BLK: variants seen among roughly 807,000 people sequenced by gnomAD.
BLK encodes the protein BLK proto-oncogene, Src family tyrosine kinase.
In BLK, 64 loss-of-function variants were observed where a neutral mutation model predicts 61.8. That is an observed-to-expected ratio of 1.03 (90% CI 0.85 to 1.27). BLK has a LOEUF of 1.27. BLK is among the 50% of genes most tolerant of loss of function. The probability of loss-of-function intolerance (pLI) is 0.00; values close to 1 mark genes in which losing one functional copy is unlikely to be tolerated. For synonymous variants in BLK, 351 were observed against 272.0 expected, an observed-to-expected ratio of 1.29 and a Z score of -2.86; for missense variants, 853 against 660.5, an observed-to-expected ratio of 1.29 and a Z score of -3.19.
chr8:11,548,260 G>A (rs1800737913), intron 4 of BLK, 135 bp downstream of exon 4: 2 of 725,386 alleles, frequency 2.8e-6, no homozygotes, highest in East Asian at 5.4e-5. Context: ...CCTGGCCCCA[G>A]CATTTTCTTG....
At chr8:11,520,416 G>C (rs1157148453) in intron 1 of BLK, among the ~76,000 whole-genome samples, 1 of 146,140 alleles carries the variant, frequency 6.8e-6, no homozygotes, top group Non-Finnish European at 1.5e-5. Flanking sequence ...GATTGAGGCT[G>C]CAGTGAGCCG....
Position 11,554,808 on chromosome 8 carries a change from C to G in BLK, c.538C>G (p.Arg180Gly). The change falls in exon 7 of 13, where the codon CGC becomes GGC. Residue 180 changes from arginine (R) to glycine (G), a missense_variant. Arg to Gly is a moderately radical substitution (Grantham distance 125, BLOSUM62 -2). Coordinates refer to ENST00000259089, the MANE Select transcript of BLK (RefSeq NM_001715.3). ...GGAGCTGATCAAGCACTATAAGATC[C>G]GCTGCCTGGATGAAGGGGGCTACTA... is the stretch of plus-strand genomic sequence containing the variant. ...QGELIKHYKI[R>G]CLDEGGYYIS... The G allele has an allele frequency of 1.2e-6, 2 of 1,614,064 alleles. No individual in the cohort carries two copies. The highest frequency in any genetic ancestry group is 1.7e-6 in the Non-Finnish European group (2 of 1,180,002).
At chr8:11,558,460 C>T (rs1801333914) in intron 10 of BLK, 1 of 361,044 alleles carries the variant, frequency 2.8e-6, no homozygotes, top group African/African-American at 2.1e-5. Flanking sequence ...ACTTCCCATC[C>T]CAGGGGCCCT....
chr8:11,511,398 CA>C (rs1799002892), intron 1 of BLK, among the ~76,000 whole-genome samples: 2 of 151,652 alleles, frequency 1.3e-5, no homozygotes, highest in Non-Finnish European at 2.9e-5. Flanking sequence ...ACATATGTAA[CA>C]AACCTGTATG....
chr8:11,548,015 T>C lies in BLK; in HGVS notation c.176-17T>C, dbSNP rs763999345. The C allele has an allele frequency of 4.3e-6, 7 of 1,611,226 alleles. No homozygotes were observed. Among genetic ancestry groups the C allele is most frequent in the Non-Finnish European group, 5.9e-6 (7 of 1,177,504 alleles). Reference sequence around the variant, plus strand: ...TGTGGGCCTGAGTGGTGGTCATCTCTCCCTTGTTCATTTTAGACAAGCATT... The same window carrying C: ...TGTGGGCCTGAGTGGTGGTCATCTCCCCCTTGTTCATTTTAGACAAGCATT... On this transcript the variant is annotated splice_polypyrimidine_tract_variant and intron_variant, in intron 3 of 12. Transcript: ENST00000259089.
intron 1 of BLK, among the ~76,000 whole-genome samples, chr8:11,522,356 A>G (rs1029722430): frequency 6.6e-6 from 1 of 152,242 alleles, no homozygotes; most frequent in Admixed American, 6.5e-5. Context: ...AATGTTTGAC[A>G]ATACGAGTTT....
rs748615662 is a variant in BLK, at chr8:11,556,767, G to A, written c.882G>A (p.Glu294=). The A allele has an allele frequency of 6.2e-7, 1 of 1,614,226 alleles. No homozygotes were observed. Among genetic ancestry groups the A allele is most frequent in the Non-Finnish European group, 8.5e-7 (1 of 1,180,044 alleles). ...EANVMKALQH[E]RLVRLYAVVT... ...ACGTGATGAAGGCTCTGCAGCACGA[G>A]CGGCTGGTCCGACTCTACGCAGTGG... The change falls in exon 9 of 13, where the codon GAG becomes GAA. Residue 294 remains glutamate (E), a synonymous_variant. Coordinates refer to ENST00000259089, the MANE Select transcript of BLK (RefSeq NM_001715.3).
intron 1 of BLK, among the ~76,000 whole-genome samples, chr8:11,516,163 A>G (rs1799216942): frequency 6.6e-6 from 1 of 152,242 alleles, no homozygotes; most frequent in African/African-American, 2.4e-5. Flanking sequence ...AGTCAGACAC[A>G]AAGGAGAAAC....
intron 1 of BLK, among the ~76,000 whole-genome samples, chr8:11,524,126 A>T (rs541082434): frequency 3.3e-5 from 5 of 152,348 alleles, no homozygotes; most frequent in Middle Eastern, 3.4e-3. Flanking sequence ...TAGTGATTAA[A>T]TAAATTAATG....
intron 1 of BLK, among the ~76,000 whole-genome samples, chr8:11,528,414 G>T (rs541709435): frequency 6.6e-6 from 1 of 152,314 alleles, no homozygotes; most frequent in East Asian, 1.9e-4. Flanking sequence ...AATGACCAAG[G>T]AGAGCTTGGA....
At chr8:11,508,607 C>G (rs1343509909) in intron 1 of BLK, among the ~76,000 whole-genome samples, 1 of 152,268 alleles carries the variant, frequency 6.6e-6, no homozygotes, top group East Asian at 1.9e-4. Flanking sequence ...TGTCAGTCCT[C>G]TCCCGCATTC....
intron 1 of BLK, among the ~76,000 whole-genome samples, chr8:11,507,578 G>A (rs1224587404): frequency 6.6e-6 from 1 of 152,246 alleles, no homozygotes; most frequent in African/African-American, 2.4e-5. Context: ...GGAGATAAAA[G>A]GTCCAGGTAA....
chr8:11,511,702 C>T (rs981847199), intron 1 of BLK, among the ~76,000 whole-genome samples: 8 of 152,116 alleles, frequency 5.3e-5, no homozygotes, highest in South Asian at 2.1e-4. Context: ...TCCTGAAATA[C>T]GGCAAACAGT....
At chr8:11,561,565 TA>T in intron 11 of BLK, 113 bp downstream of exon 11, 1 of 1,341,184 alleles carries the variant, frequency 7.5e-7, no homozygotes, top group Non-Finnish European at 1.0e-6. Context: ...CTGAGGGCTA[TA>T]CGGTTTCTAC....
intron 1 of BLK, among the ~76,000 whole-genome samples, chr8:11,519,625 T>A (rs555907097): frequency 9.2e-4 from 140 of 152,306 alleles, no homozygotes; most frequent in Non-Finnish European, 1.8e-3. Flanking sequence ...AGTCACCACA[T>A]CGAGAACTTT....
At chr8:11,509,287 CAGGCCTGGGG>C in intron 1 of BLK, 1 of 152,410 alleles carries the variant, frequency 6.6e-6, no homozygotes, top group East Asian at 1.9e-4. Context: ...AGAAGCCAGC[CAGGCCTGGGG>C]CTTGGCAGCC....
At chr8:11,552,942 A>G (rs1800979570) in intron 6 of BLK, 1 of 154,064 alleles carries the variant, frequency 6.5e-6, no homozygotes, top group Non-Finnish European at 1.4e-5. Flanking sequence ...ATGCACACAT[A>G]TACACACATG....
chr8:11,517,713 C>G (rs1050769997), intron 1 of BLK, among the ~76,000 whole-genome samples: 1 of 152,182 alleles, frequency 6.6e-6, no homozygotes, highest in Non-Finnish European at 1.5e-5. Flanking sequence ...GACCCTCTTG[C>G]GTTCCCAGCC....
intron 1 of BLK, among the ~76,000 whole-genome samples, chr8:11,542,862 T>G (rs1008607699): frequency 1.3e-5 from 2 of 152,182 alleles, no homozygotes; most frequent in African/African-American, 4.8e-5. Context: ...AAATGAAAAC[T>G]AAACCCAGAG....
Sources: gnomAD v4.1 joint callset for allele counts (sites outside exome capture counted in the v4.1 genomes callset) on GRCh38, gnomAD v4.1.1 for gene constraint, MANE v1.5 for transcripts, NCBI Gene and HGNC (gene_info 2026-07-23, HGNC 2026-07-21) for gene names.